The following KCNN2 variants were observed in gnomAD, a reference collection of about 807,000 sequenced individuals.
KCNN2 encodes small conductance calcium-activated potassium channel protein 2.
In KCNN2, 24 loss-of-function variants were observed where a neutral mutation model predicts 55.5. The ratio of observed to expected loss-of-function variants is 0.43; its 90% CI spans 0.31 to 0.61. The LOEUF is 0.61. Ranked by LOEUF, KCNN2 falls within the 20% of genes least tolerant of loss-of-function variation. The pLI is 0.08. For synonymous variants in KCNN2, 431 were observed against 336.1 expected (o/e 1.28, Z -3.09); for missense variants, 754 against 853.6 (o/e 0.88, Z 1.45).
intron 2 of KCNN2, among the ~76,000 whole-genome samples, chr5:114,303,428 G>A (rs978699957): frequency 2.0e-5 from 3 of 152,136 alleles, no homozygotes; most frequent in African/African-American, 7.2e-5. Flanking sequence ...TTAATACACA[G>A]CCCAAGTTTG....
chr5:114,310,724 G>GA (rs887512996), intron 2 of KCNN2, among the ~76,000 whole-genome samples: 7 of 152,134 alleles, frequency 4.6e-5, no homozygotes, highest in African/African-American at 1.7e-4. Context: ...CACTTGGTAT[G>GA]AAAATGGCCA....
At chr5:114,175,797 A>T (rs1343444804) in intron 1 of KCNN2, among the ~76,000 whole-genome samples, 1 of 152,212 alleles carries the variant, frequency 6.6e-6, no homozygotes, top group Non-Finnish European at 1.5e-5. Context: ...ATTGCACTTT[A>T]GTTGAATTGC....
rs772419723 is a variant in KCNN2 at position 114,496,112 on chromosome 5, G to A, written c.2306G>A (p.Arg769Gln). ...AAGCACGTCACTTACAATGCTGAGC[G>A]GTCCCGGTCCTCGTCCAGGAGGCGG... The part of the protein sequence containing the change: ...YDKHVTYNAE[R>Q]SRSSSRRRRS... Residue 769 changes from arginine to glutamine, a missense_variant, in exon 8 of 8, where the codon CGG becomes CAG. Coordinates refer to ENST00000673685, the MANE Select transcript of KCNN2 (RefSeq NM_021614.4). 1.7e-5 allele frequency: 27 copies of A among 1,613,856 alleles called. No homozygotes were observed. Among genetic ancestry groups the A allele is most frequent in the South Asian group, 1.3e-4 (12 of 91,078 alleles).
intron 3 of KCNN2, among the ~76,000 whole-genome samples, chr5:114,460,567 G>A (rs149567644): frequency 7.2e-4 from 110 of 152,252 alleles, no homozygotes; most frequent in African/African-American, 2.5e-3. Flanking sequence ...ATTAATAATA[G>A]TGTTCTGGTC....
chr5:114,363,758 C>T (rs1044720597), intron 1 of KCNN2, 148 bp from the exon 2 acceptor site: 2 of 608,870 alleles, frequency 3.3e-6, no homozygotes, highest in Non-Finnish European at 5.8e-6. Flanking sequence ...TCTGACAGAT[C>T]ACAGAGCCAA....
intron 2 of KCNN2, among the ~76,000 whole-genome samples, chr5:114,383,921 C>T (rs893471452): frequency 6.6e-6 from 1 of 152,212 alleles, no homozygotes. Flanking sequence ...ATATGTATCA[C>T]AGTAACTAAT....
intron 2 of KCNN2, among the ~76,000 whole-genome samples, chr5:114,355,060 C>G (rs1003152664): frequency 7.9e-5 from 12 of 152,136 alleles, no homozygotes; most frequent in African/African-American, 2.9e-4. Context: ...TTTAATTTAA[C>G]TTAGCAAATT....
chr5:114,467,383 A>G (rs1761501357), intron 4 of KCNN2, among the ~76,000 whole-genome samples: 2 of 152,206 alleles, frequency 1.3e-5, no homozygotes, highest in Non-Finnish European at 2.9e-5. Context: ...TTAGTGTTGA[A>G]TGTTTGAGAA....
At chr5:114,482,069 G>T (rs1208055037) in intron 5 of KCNN2, among the ~76,000 whole-genome samples, 1 of 150,644 alleles carries the variant, frequency 6.6e-6, no homozygotes, top group Admixed American at 6.6e-5. Context: ...CACAGCAAAA[G>T]AAACTATTGA....
In KCNN2 at chr5:114,403,479, C is replaced by T. The variant is rs147716708; in HGVS notation, c.1219-959C>T. ...ACAAAGGTCTTCCTAATACGTGGGACTCTCAGCATTGAAGCATGGCTGGCA... is the reference window on the plus strand; with the variant it reads ...ACAAAGGTCTTCCTAATACGTGGGATTCTCAGCATTGAAGCATGGCTGGCA... On this transcript the variant is annotated intron_variant, in intron 2 of 7. Coordinates refer to ENST00000673685, the MANE Select transcript of KCNN2 (RefSeq NM_021614.4). 7.2e-5 allele frequency among the ~76,000 whole-genome samples: 11 copies of T among 152,288 alleles called. No homozygotes were observed. The East Asian group carries it at 1.9e-3, about 27-fold the overall frequency.
chr5:114,224,215 G>C (rs761095470), intron 2 of KCNN2, among the ~76,000 whole-genome samples: 1 of 152,234 alleles, frequency 6.6e-6, no homozygotes, highest in Middle Eastern at 3.4e-3. Flanking sequence ...TCTAAGAGAC[G>C]ATAGCTTAAC....
chr5:114,302,470 A>G (rs192781257), intron 2 of KCNN2, among the ~76,000 whole-genome samples: 1 of 152,294 alleles, frequency 6.6e-6, no homozygotes, highest in African/African-American at 2.4e-5. Flanking sequence ...AGCTACCTGG[A>G]ATAACAGTTA....
intron 1 of KCNN2, among the ~76,000 whole-genome samples, chr5:114,165,699 T>A (rs891897208): frequency 6.6e-6 from 1 of 152,178 alleles, no homozygotes; most frequent in African/African-American, 2.4e-5. Flanking sequence ...GGAAAAGTTA[T>A]GATTTTCTTA....
chr5:114,067,501 G>A (rs1399944242), intron 1 of KCNN2, among the ~76,000 whole-genome samples: 2 of 152,094 alleles, frequency 1.3e-5, no homozygotes, highest in Non-Finnish European at 2.9e-5. Context: ...TTCAATTTCT[G>A]TTTAAATTAT....
At chr5:114,355,658 A>G (rs1757282169) in intron 2 of KCNN2, among the ~76,000 whole-genome samples, 1 of 150,776 alleles carries the variant, frequency 6.6e-6, no homozygotes, top group Non-Finnish European at 1.5e-5. Flanking sequence ...CTGCCAGAGT[A>G]GGAGCCAAGG....
At chr5:114,132,592 A>G (rs1277463257) in intron 1 of KCNN2, among the ~76,000 whole-genome samples, 1 of 152,202 alleles carries the variant, frequency 6.6e-6, no homozygotes, top group Non-Finnish European at 1.5e-5. Flanking sequence ...AATTTTTAAC[A>G]TCTAACATCT....
At chr5:114,377,990 G>A (rs940980018) in intron 2 of KCNN2, among the ~76,000 whole-genome samples, 2 of 152,078 alleles carry the variant, frequency 1.3e-5, no homozygotes, top group African/African-American at 4.8e-5. Context: ...TAGAATCTAG[G>A]AGTATCTCAA....
At chr5:114,236,849 G>T (rs1248032030) in intron 2 of KCNN2, among the ~76,000 whole-genome samples, 6 of 152,076 alleles carry the variant, frequency 3.9e-5, no homozygotes, top group African/African-American at 1.4e-4. Flanking sequence ...TATGGAAAAG[G>T]ATACTATGCT....
At chr5:114,345,927 T>C (rs1401760568) in intron 2 of KCNN2, among the ~76,000 whole-genome samples, 5 of 152,116 alleles carry the variant, frequency 3.3e-5, no homozygotes, top group Non-Finnish European at 5.9e-5. Flanking sequence ...ACTACAGGCA[T>C]GCGCTGCTGT....
Sources: gnomAD v4.1 joint callset for allele counts (sites outside exome capture counted in the v4.1 genomes callset) on GRCh38, gnomAD v4.1.1 for gene constraint, MANE v1.5 for transcripts, NCBI Gene and HGNC (gene_info 2026-07-23, HGNC 2026-07-21) for gene names.